The following GTF3C3 variants were observed in gnomAD, a reference collection of about 807,000 sequenced individuals.
GTF3C3 encodes general transcription factor IIIC subunit 3.
A neutral mutation model predicts 105.2 loss-of-function variants in GTF3C3; 75 were observed. The observed-to-expected ratio is 0.71, with a 90% CI of 0.59 to 0.86. GTF3C3 has a LOEUF of 0.86. Ranked by LOEUF, GTF3C3 falls within the 40% of genes least tolerant of loss-of-function variation. The pLI is 0.00. For synonymous variants in GTF3C3, 335 were observed against 370.4 expected (o/e 0.90, Z 1.10); for missense variants, 856 against 1,076.5 (o/e 0.80, Z 2.87).
rs1699566937 is a variant in GTF3C3, at chr2:196,792,525, C to T, written c.411+431G>A. On this transcript the variant is annotated intron_variant, in intron 3 of 17. Coordinates refer to ENST00000263956, the MANE Select transcript of GTF3C3 (RefSeq NM_012086.5). ...ACATAAGCAATAATTAAGGTTTTGT[C>T]TGTGTGTCTGTGTGTGTGTTAGATT... 5.3e-5 allele frequency among the ~76,000 whole-genome samples: 8 copies of T among 152,162 alleles called. 1 individual carries two copies. The highest frequency in any genetic ancestry group is 5.2e-4 in the Admixed American group (8 of 15,276).
At chr2:196,781,610 A>C (rs1321230144) in intron 8 of GTF3C3, among the ~76,000 whole-genome samples, 1 of 151,726 alleles carries the variant, frequency 6.6e-6, no homozygotes, top group Non-Finnish European at 1.5e-5. Context: ...TTTTGGTATG[A>C]GGGGTGTCCT....
chr2:196,772,299 T>C (rs1238894448), intron 14 of GTF3C3, among the ~76,000 whole-genome samples: 1 of 152,210 alleles, frequency 6.6e-6, no homozygotes, highest in African/African-American at 2.4e-5. Context: ...GGCTCACGCC[T>C]GTAATCCCAG....
rs1699269626 is a variant in GTF3C3 at position 196,776,932 on chromosome 2, T to TA, written c.1391-304dup. On this transcript the variant is annotated intron_variant, in intron 10 of 17. Transcript: ENST00000263956. The surrounding 1 kb of genome is among the most constrained non-coding windows in gnomAD (Gnocchi z 4.5). ...TGGTTACATAATCAAACTGATTATG[T>TA]AATTATATCATTTGCCATTTAGGTT... is the stretch of plus-strand genomic sequence containing the variant. Among the ~76,000 whole-genome samples, 1 of 152,206 alleles carries TA rather than the reference T, an allele frequency of 6.6e-6. No homozygotes were observed. The highest frequency in any genetic ancestry group is 1.5e-5 in the Non-Finnish European group (1 of 68,034).
intron 8 of GTF3C3, among the ~76,000 whole-genome samples, chr2:196,781,354 AAAAATATATAT>A (rs1256966673): frequency 9.5e-5 from 8 of 84,052 alleles, no homozygotes; most frequent in Admixed American, 2.9e-4. Flanking sequence ...AAAAAAAAAA[AAAAATATATAT>A]ATATATATAT....
At chr2:196,785,398 AAC>A in intron 7 of GTF3C3, 41 bp downstream of exon 7, 2 of 1,276,188 alleles carry the variant, frequency 1.6e-6, no homozygotes, top group Non-Finnish European at 2.1e-6. Flanking sequence ...AGAACACAGA[AAC>A]ACATGCAAAA....
At chr2:196,794,327 AAGAT>A (rs1421056207) in intron 2 of GTF3C3, among the ~76,000 whole-genome samples, 1 of 152,196 alleles carries the variant, frequency 6.6e-6, no homozygotes, top group Non-Finnish European at 1.5e-5. Context: ...GGAAAACACA[AAGAT>A]AGACATGTAA....
At position 196,771,740 on chromosome 2, in the gene GTF3C3, A is replaced by G; in HGVS notation, c.2260+8T>C. The G allele has an allele frequency of 6.3e-7, 1 of 1,589,796 alleles. No homozygotes were observed. The highest frequency in any genetic ancestry group is 8.6e-7 in the Non-Finnish European group (1 of 1,157,804). On this transcript the variant is annotated splice_region_variant and intron_variant, in intron 15 of 17. Coordinates refer to ENST00000263956, the MANE Select transcript of GTF3C3 (RefSeq NM_012086.5). ...ATGCTTGACAAAGTCACGTGCCAGG[A>G]CACTTACCAAGCGCATGCTTAAAAC... is the stretch of plus-strand genomic sequence containing the variant.
At chr2:196,798,862 CAA>C (rs71410624) in intron 1 of GTF3C3, among the ~76,000 whole-genome samples, 11 of 83,754 alleles carry the variant, frequency 1.3e-4, no homozygotes, top group Admixed American at 2.4e-4. Flanking sequence ...AACTCCGTCT[CAA>C]AAAAAAAAAA....
intron 1 of GTF3C3, among the ~76,000 whole-genome samples, chr2:196,798,986 AT>A (rs1699698221): frequency 6.6e-6 from 1 of 152,130 alleles, no homozygotes; most frequent in Non-Finnish European, 1.5e-5. Flanking sequence ...ATTTCTAAGT[AT>A]GGGGAAAAAA....
intron 8 of GTF3C3, among the ~76,000 whole-genome samples, chr2:196,781,357 A>AAAAAAAAAAAAAAAAAAAT: frequency 5.3e-5 from 1 of 18,810 alleles, no homozygotes; most frequent in Non-Finnish European, 1.5e-4. Flanking sequence ...AAAAAAAAAA[A>AAAAAAAAAAAAAAAAAAAT]ATATATATAT....
chr2:196,774,960 C>T, intron 13 of GTF3C3, 156 bp downstream of exon 13: 1 of 473,664 alleles, frequency 2.1e-6, no homozygotes, highest in Non-Finnish European at 3.7e-6. Flanking sequence ...TCCTTTTTAA[C>T]ATCGAATGAG....
In GTF3C3 at chr2:196,776,567, G is replaced by A; in HGVS notation, c.1453C>T (p.Leu485=). Reference sequence around the variant, plus strand: ...CTTGCATCCAAATGGAGTGGGGCCAGATCAACCACCTTGCCATAGCTTTCA... The same window carrying A: ...CTTGCATCCAAATGGAGTGGGGCCAAATCAACCACCTTGCCATAGCTTTCA... ...AAESYGKVVD[L]APLHLDARIS... Residue 485 remains leucine (L), a synonymous_variant, in exon 11 of 18, where the codon CTG becomes TTG. Coordinates refer to ENST00000263956, the MANE Select transcript of GTF3C3 (RefSeq NM_012086.5). This position sits in a 1 kb window ranked among gnomAD's most constrained non-coding sequence, Gnocchi z 4.5. 1 of 1,614,088 alleles carries A rather than the reference G, an allele frequency of 6.2e-7. No individual in the cohort carries two copies. Among genetic ancestry groups the A allele is most frequent in the Non-Finnish European group, 8.5e-7 (1 of 1,179,986 alleles).
chr2:196,790,090 T>A lies in GTF3C3; in HGVS notation c.536-20A>T, dbSNP rs1445266174. The A allele has an allele frequency of 6.5e-7, 1 of 1,533,806 alleles. No individual in the cohort carries two copies. Among genetic ancestry groups the A allele is most frequent in the Non-Finnish European group, 8.8e-7 (1 of 1,132,012 alleles). ...GAGGAGCTATAACAAATTAAAAAAA[T>A]AAATTCCATTGGCTGAGAGAAGAGG... is the stretch of plus-strand genomic sequence containing the variant. On this transcript the variant is annotated intron_variant, in intron 4 of 17. Coordinates refer to ENST00000263956, the MANE Select transcript of GTF3C3 (RefSeq NM_012086.5).
intron 2 of GTF3C3, among the ~76,000 whole-genome samples, chr2:196,793,990 T>C (rs371008756): frequency 6.6e-6 from 1 of 152,258 alleles, no homozygotes; most frequent in Non-Finnish European, 1.5e-5. Flanking sequence ...TGTGCGAATA[T>C]TGAGAGGTCT....
At chr2:196,767,457 TAAG>T (rs1396906387) in intron 16 of GTF3C3, among the ~76,000 whole-genome samples, 1 of 152,200 alleles carries the variant, frequency 6.6e-6, no homozygotes, top group African/African-American at 2.4e-5. Flanking sequence ...ACCAGATAAT[TAAG>T]AATAAATCAA....
At chr2:196,778,210 T>C (rs1348352212) in intron 10 of GTF3C3, 1 of 152,244 alleles carries the variant, frequency 6.6e-6, no homozygotes, top group Admixed American at 6.5e-5. Flanking sequence ...GTCTTTTATG[T>C]TGACTCAATA....
intron 9 of GTF3C3, 184 bp downstream of exon 9, chr2:196,780,375 C>T: frequency 2.1e-5 from 26 of 1,243,094 alleles, no homozygotes; most frequent in Non-Finnish European, 2.7e-5. Flanking sequence ...TTACTGTAAG[C>T]CCAATTGCAA....
Position 196,776,312 on chromosome 2 carries a change from T to A in GTF3C3, c.1593+115A>T, listed in dbSNP as rs1022522275. On this transcript the variant is annotated intron_variant, in intron 11 of 17. Transcript: ENST00000263956. The surrounding 1 kb of genome is among the most constrained non-coding windows in gnomAD (Gnocchi z 4.5). ...ATACTTAAAATCATTTTTCAAAAAC[T>A]TGAATACACTAAAATAAAATTTTGG... is the stretch of plus-strand genomic sequence containing the variant. 4 of 892,062 alleles carry A rather than the reference T, an allele frequency of 4.5e-6. No individual in the cohort carries two copies. In the African/African-American group the frequency reaches 6.7e-5, roughly 15 times the overall value. The allele number at this position is 892,062 out of a possible 1,614,324, so 55.3% of individuals were successfully genotyped here.
At chr2:196,774,917 T>G (rs1440437699) in intron 13 of GTF3C3, 199 bp downstream of exon 13, 1 of 390,180 alleles carries the variant, frequency 2.6e-6, no homozygotes, top group Non-Finnish European at 4.6e-6. Flanking sequence ...TCCTTTTAAT[T>G]TTTTTTAATT....
Sources: gnomAD v4.1 joint callset for allele counts (sites outside exome capture counted in the v4.1 genomes callset) on GRCh38, gnomAD v4.1.1 for gene constraint, Gnocchi (gnomAD v3.1) non-coding constraint, MANE v1.5 for transcripts, NCBI Gene and HGNC (gene_info 2026-07-23, HGNC 2026-07-21) for gene names.